ZNF75D: variants seen among roughly 807,000 people sequenced by gnomAD.
ZNF75D encodes zinc finger protein 75.
A neutral mutation model predicts 33.3 loss-of-function variants in ZNF75D; 33 were observed. The observed-to-expected ratio is 0.99, with a 90% CI of 0.75 to 1.32. ZNF75D has a LOEUF of 1.32. Ranked by LOEUF, ZNF75D falls within the 40% of genes most tolerant of loss-of-function variation. The pLI is 0.00. For missense variants in ZNF75D, 338 were observed against 367.5 expected (o/e 0.92, Z 0.66); for synonymous variants, 113 against 130.6 (o/e 0.87, Z 0.92).
chrX:135,299,163 T>C (rs2084178041), intron 1 of ZNF75D, among the ~76,000 whole-genome samples: 1 of 112,446 alleles, frequency 8.9e-6, no homozygotes, highest in Admixed American at 9.4e-5. Context: ...GTGTAATTGC[T>C]AGATCATATG....
chrX:135,323,980 C>T (rs1031727711), intron 1 of ZNF75D, among the ~76,000 whole-genome samples: 1 of 95,907 alleles, frequency 1.0e-5, no homozygotes, highest in African/African-American at 3.9e-5. Flanking sequence ...TGTACCAATA[C>T]TTGTTGCAGC....
At chrX:135,331,674 C>T (rs2148494230) in intron 1 of ZNF75D, among the ~76,000 whole-genome samples, 1 of 111,471 alleles carries the variant, frequency 9.0e-6, no homozygotes, top group Non-Finnish European at 1.9e-5. Flanking sequence ...TCCTTCTGTG[C>T]CCTCTTCCTC....
At chrX:135,317,964 G>A (rs925120216) in intron 1 of ZNF75D, among the ~76,000 whole-genome samples, 13 of 109,528 alleles carry the variant, frequency 1.2e-4, no homozygotes, top group Non-Finnish European at 2.3e-4. Flanking sequence ...AGCCTAAGTC[G>A]GTAGGTGGGG....
At chrX:135,339,700 G>C (rs1034445337) in intron 1 of ZNF75D, among the ~76,000 whole-genome samples, 5 of 112,252 alleles carry the variant, frequency 4.5e-5, no homozygotes, top group African/African-American at 6.5e-5. Flanking sequence ...TCCTGGAGTT[G>C]TGCAGTGTAC....
intron 1 of ZNF75D, among the ~76,000 whole-genome samples, chrX:135,257,908 C>G (rs1157468249): frequency 9.1e-6 from 1 of 109,963 alleles, no homozygotes; most frequent in Non-Finnish European, 1.9e-5. Flanking sequence ...GTTTGCTGCA[C>G]CCATCAACTC....
Position 135,286,872 on chromosome X carries a change from T to C in ZNF75D, c.*265A>G, listed in dbSNP as rs2083960803. ...GGTGGGGAAGCTTTGAATAACCAGA[T>C]ATATACATATAGATAGATAGCTAAA... On this transcript the variant is annotated 3_prime_UTR_variant, in exon 7 of 7. Coordinates refer to ENST00000370766, the MANE Select transcript of ZNF75D (RefSeq NM_007131.5). 1 of 323,566 alleles carries C rather than the reference T, an allele frequency of 3.1e-6. No homozygotes were observed. The highest frequency in any genetic ancestry group is 5.2e-6 in the Non-Finnish European group (1 of 190,496). The allele number at this position is 323,566 out of a possible 1,213,427, so 26.7% of individuals were successfully genotyped here.
At chrX:135,324,368 A>G (rs2084534684) in intron 1 of ZNF75D, among the ~76,000 whole-genome samples, 1 of 112,393 alleles carries the variant, frequency 8.9e-6, no homozygotes, top group South Asian at 3.7e-4. Context: ...ACTAGTAAAA[A>G]GTTGATTTCC....
At chrX:135,307,707 A>AG (rs1475609505) in intron 1 of ZNF75D, among the ~76,000 whole-genome samples, 45 of 111,804 alleles carry the variant, frequency 4.0e-4, no homozygotes, top group Non-Finnish European at 5.6e-5. Flanking sequence ...GAGCTTTGGG[A>AG]GGGGGTCACA....
chrX:135,299,939 G>A (rs2084191251), intron 1 of ZNF75D, among the ~76,000 whole-genome samples: 1 of 112,325 alleles, frequency 8.9e-6, no homozygotes, highest in Admixed American at 9.4e-5. Flanking sequence ...GTATGGCTTT[G>A]TTTCTGAACT....
chrX:135,292,694 T>TC (rs1326603998), intron 3 of ZNF75D, among the ~76,000 whole-genome samples: 7 of 112,261 alleles, frequency 6.2e-5, no homozygotes, highest in Admixed American at 4.7e-4. Context: ...CTACTGCAGA[T>TC]CCCCGCCCCC....
At chrX:135,277,711 G>A (rs1305673413) in intron 1 of ZNF75D, among the ~76,000 whole-genome samples, 5 of 112,272 alleles carry the variant, frequency 4.5e-5, no homozygotes, top group African/African-American at 1.6e-4. Flanking sequence ...CATGTGGCTA[G>A]CCAGTTTTCC....
At chrX:135,280,320 T>G (rs782782057) in intron 1 of ZNF75D, among the ~76,000 whole-genome samples, 1 of 112,026 alleles carries the variant, frequency 8.9e-6, no homozygotes, top group South Asian at 3.8e-4. Flanking sequence ...TCTGTTTGTT[T>G]GTTTGTTTCC....
chrX:135,288,554 A>G (rs2083990417), intron 6 of ZNF75D, among the ~76,000 whole-genome samples: 2 of 112,381 alleles, frequency 1.8e-5, no homozygotes, highest in East Asian at 2.8e-4. Context: ...GTAGCTAGGT[A>G]ATAGTTCACT....
chrX:135,274,657 C>A (rs782300101), intron 1 of ZNF75D, among the ~76,000 whole-genome samples: 120 of 111,978 alleles, frequency 1.1e-3, no homozygotes, highest in Non-Finnish European at 2.0e-3. Flanking sequence ...TGTCTAATAT[C>A]TCAGTATACA....
At chrX:135,257,022 C>T (rs183557144) in intron 1 of ZNF75D, among the ~76,000 whole-genome samples, 13 of 110,642 alleles carry the variant, frequency 1.2e-4, no homozygotes, top group Admixed American at 9.5e-4. Context: ...CACTGAATAA[C>T]ACCCAGCGAG....
chrX:135,258,828 G>A (rs1448016183), intron 1 of ZNF75D, among the ~76,000 whole-genome samples: 2 of 112,083 alleles, frequency 1.8e-5, no homozygotes, highest in Admixed American at 9.4e-5. Context: ...TTTGGCTTTT[G>A]TTGCCATTGC....
chrX:135,272,110 T>A (rs2083885265), intron 1 of ZNF75D, among the ~76,000 whole-genome samples: 1 of 109,059 alleles, frequency 9.2e-6, no homozygotes, highest in African/African-American at 3.3e-5. Context: ...CATCTGCATA[T>A]CTCTTAAGAA....
At chrX:135,269,508 T>C (rs1034488418) in intron 1 of ZNF75D, among the ~76,000 whole-genome samples, 17 of 112,379 alleles carry the variant, frequency 1.5e-4, no homozygotes, top group African/African-American at 5.5e-4. Context: ...CTCAACATCA[T>C]TGATCATCAG....
intron 1 of ZNF75D, among the ~76,000 whole-genome samples, chrX:135,271,072 C>T (rs924897014): frequency 2.7e-5 from 3 of 111,442 alleles, no homozygotes; most frequent in Non-Finnish European, 5.7e-5. Flanking sequence ...TATAGAACAG[C>T]CCTTCAACCT....
Sources: allele counts gnomAD v4.1 joint callset (sites outside exome capture counted in the v4.1 genomes callset), GRCh38; gene constraint gnomAD v4.1.1; transcripts MANE v1.5; gene names NCBI Gene and HGNC (gene_info 2026-07-23, HGNC 2026-07-21).